Variants in MBTPS1 observed in about 807,000 individuals in gnomAD.
The protein encoded by MBTPS1 is membrane-bound transcription factor site-1 protease.
In MBTPS1, 94 loss-of-function variants were observed where a neutral mutation model predicts 127.8. The observed-to-expected ratio is 0.74, with a 90% CI of 0.62 to 0.87. MBTPS1 has a LOEUF of 0.87. MBTPS1 is among the 40% of genes least tolerant of loss of function. The probability of loss-of-function intolerance (pLI) is 0.00; values close to 1 mark genes in which losing one functional copy is unlikely to be tolerated. For missense variants in MBTPS1, 1,636 were observed against 1,353.2 expected (o/e 1.21, Z -3.28); for synonymous variants, 632 against 509.4 (o/e 1.24, Z -3.24).
chr16:84,083,803 AG>A (rs2085977409), intron 10 of MBTPS1, among the ~76,000 whole-genome samples: 1 of 152,242 alleles, frequency 6.6e-6, no homozygotes, highest in South Asian at 2.1e-4. Context: ...TCATCTAGAT[AG>A]AAGAAGTACA....
chr16:84,089,695 G>GT (rs1359531465), intron 8 of MBTPS1, among the ~76,000 whole-genome samples: 4 of 152,192 alleles, frequency 2.6e-5, no homozygotes, highest in Non-Finnish European at 2.9e-5. Context: ...TGCCTCAGCC[G>GT]TAAGTGGCAG....
intron 11 of MBTPS1, among the ~76,000 whole-genome samples, chr16:84,078,352 A>G (rs2085891405): frequency 7.6e-6 from 1 of 131,670 alleles, no homozygotes; most frequent in African/African-American, 2.9e-5. Flanking sequence ...GTGCCACCTT[A>G]CCTAACAGAG....
intron 11 of MBTPS1, among the ~76,000 whole-genome samples, chr16:84,076,847 T>C (rs915291664): frequency 6.6e-6 from 1 of 152,196 alleles, no homozygotes; most frequent in African/African-American, 2.4e-5. Context: ...TTTGATGCAA[T>C]TGCAACAAAA....
At chr16:84,075,086 A>T (rs1302504274) in intron 11 of MBTPS1, 1 of 165,976 alleles carries the variant, frequency 6.0e-6, no homozygotes, top group Non-Finnish European at 1.3e-5. Context: ...AAAAACACGT[A>T]CACATGTCAA....
intron 1 of MBTPS1, among the ~76,000 whole-genome samples, chr16:84,110,062 T>A (rs1376933845): frequency 1.3e-5 from 2 of 152,214 alleles, no homozygotes; most frequent in African/African-American, 4.8e-5. Flanking sequence ...TTATTTACCC[T>A]CACCTGCCAA....
At position 84,059,408 on chromosome 16, in the gene MBTPS1, A is replaced by C; in HGVS notation, c.2725T>G (p.Ser909Ala). The C allele has an allele frequency of 6.2e-7, 1 of 1,613,724 alleles. No individual in the cohort carries two copies. Residue 909 changes from serine to alanine, a missense_variant, in exon 21 of 23, where the codon TCC becomes GCC. Transcript: ENST00000343411. ...RMEGNHLHRY[S>A]KVLEAHLGDP... ...CCCAAATGGGCCTCCAGAACCTTGGAGTACCGATGAAGATGGTTTCCTGTG... is the reference window on the plus strand; with the variant it reads ...CCCAAATGGGCCTCCAGAACCTTGGCGTACCGATGAAGATGGTTTCCTGTG...
intron 4 of MBTPS1, among the ~76,000 whole-genome samples, 190 bp from the exon 5 acceptor site, chr16:84,094,011 G>A (rs781673304): frequency 6.6e-6 from 1 of 152,162 alleles, no homozygotes; most frequent in Non-Finnish European, 1.5e-5. Context: ...TAAGAAAAGA[G>A]GACAGCAGGA....
At position 84,091,786 on chromosome 16, in the gene MBTPS1, C is replaced by G. The variant is rs2086112147; in HGVS notation, c.909G>C (p.Val303=). 6.2e-7 allele frequency: 1 copy of G among 1,614,070 alleles called. No homozygotes were observed. Among genetic ancestry groups the G allele is most frequent in the South Asian group, 1.1e-5 (1 of 91,092 alleles). The change falls in exon 7 of 23, where the codon GTG becomes GTC. Residue 303 remains valine, a synonymous_variant. Coordinates refer to ENST00000343411, the MANE Select transcript of MBTPS1 (RefSeq NM_003791.4). The part of the protein sequence containing the change: ...FNYAILKKID[V]LNLSIGGPDF... ...CCGGGCCGCCGATGCTGAGGTTTAA[C>G]ACGTCGATCTTCTTTAAAATGGCAT...
chr16:84,068,817 T>G (rs2085728363), intron 14 of MBTPS1, among the ~76,000 whole-genome samples: 1 of 152,134 alleles, frequency 6.6e-6, no homozygotes, highest in Non-Finnish European at 1.5e-5. Context: ...GCCGCGGGAG[T>G]GCAGGGACGC....
intron 11 of MBTPS1, among the ~76,000 whole-genome samples, chr16:84,079,783 C>G (rs971697169): frequency 5.9e-5 from 9 of 152,158 alleles, no homozygotes; most frequent in Non-Finnish European, 1.3e-4. Flanking sequence ...TGGCTGGAAC[C>G]TGGAGGTGGC....
intron 1 of MBTPS1, among the ~76,000 whole-genome samples, chr16:84,113,540 G>T (rs1244545353): frequency 6.6e-6 from 1 of 152,208 alleles, no homozygotes; most frequent in African/African-American, 2.4e-5. Flanking sequence ...GCAAGCAACT[G>T]GCCTAGCTGG....
Position 84,070,012 on chromosome 16 carries a change from T to A in MBTPS1, c.1809A>T (p.Ser603=). The stretch of plus-strand genomic sequence containing the variant: ...TCACCTTAATGGGGAGCTTTACTGT[T>A]GAAGTCTGTTCTGCACCATTTTTTG... ...TESKNGAEQT[S]TVKLPIKVKI... is the part of the protein sequence containing the mutation. Residue 603 remains serine (S), a synonymous_variant, in exon 14 of 23, where the codon TCA becomes TCT. Coordinates refer to ENST00000343411, the MANE Select transcript of MBTPS1 (RefSeq NM_003791.4). The A allele has an allele frequency of 1.2e-6, 2 of 1,613,386 alleles. No individual in the cohort carries two copies. Among genetic ancestry groups the A allele is most frequent in the Non-Finnish European group, 8.5e-7 (1 of 1,179,846 alleles).
At chr16:84,083,136 G>A (rs543134330) in intron 10 of MBTPS1, among the ~76,000 whole-genome samples, 1 of 152,306 alleles carries the variant, frequency 6.6e-6, no homozygotes, top group African/African-American at 2.4e-5. Flanking sequence ...TAACAATCAT[G>A]GCGTTTAGGA....
chr16:84,114,046 C>T (rs2086435312), intron 1 of MBTPS1, among the ~76,000 whole-genome samples: 3 of 151,030 alleles, frequency 2.0e-5, no homozygotes, highest in Admixed American at 1.3e-4. Flanking sequence ...CTCACTGCAA[C>T]CTCTGCCTCC....
At chr16:84,069,428 T>TAAG (rs55959488) in intron 14 of MBTPS1, among the ~76,000 whole-genome samples, 33,091 of 151,872 alleles carry the variant, frequency 0.22, 3,758 homozygotes, top group African/African-American at 0.26. Context: ...GAATTTGTTT[T>TAAG]AAGATTACCA....
At chr16:84,086,868 A>G (rs1251606609) in intron 9 of MBTPS1, among the ~76,000 whole-genome samples, 1 of 152,132 alleles carries the variant, frequency 6.6e-6, no homozygotes, top group Non-Finnish European at 1.5e-5. Flanking sequence ...TGAATTATTA[A>G]CTGTAGCAGT....
At chr16:84,065,605 A>C in intron 18 of MBTPS1, 85 bp downstream of exon 18, 1 of 878,100 alleles carries the variant, frequency 1.1e-6, no homozygotes, top group South Asian at 1.3e-5. Flanking sequence ...TAAAAAAGAG[A>C]CAGAGATGAG....
At chr16:84,098,229 G>A (rs74032825) in intron 3 of MBTPS1, among the ~76,000 whole-genome samples, 19 of 152,278 alleles carry the variant, frequency 1.2e-4, no homozygotes, top group Admixed American at 3.9e-4. Flanking sequence ...TGACTTCAAC[G>A]AACCCAGCTG....
rs370789677 is a variant in MBTPS1, at chr16:84,081,851, C to T, written c.1344G>A (p.Ala448=). Residue 448 remains alanine (A), a synonymous_variant, in exon 11 of 23, where the codon GCG becomes GCA. Transcript: ENST00000343411. ...TGACCCCGGGGAGCCTCCGGGCTGA[C>T]GCGATCAGGGCCTGCTTCATACTGG... ...NPASMKQALI[A]SARRLPGVNM... The T allele has an allele frequency of 2.1e-5, 32 of 1,525,728 alleles. No individual in the cohort carries two copies. In the African/African-American group the frequency reaches 2.8e-4, roughly 13 times the overall value. The allele number at this position is 1,525,728 out of a possible 1,614,324, so 94.5% of individuals were successfully genotyped here. A position where few individuals can be genotyped will look rare whatever the true frequency, so the allele number is the denominator to read the frequency against.
Sources: gnomAD v4.1 joint callset for allele counts (sites outside exome capture counted in the v4.1 genomes callset) on GRCh38, gnomAD v4.1.1 for gene constraint, MANE v1.5 for transcripts, NCBI Gene and HGNC (gene_info 2026-07-23, HGNC 2026-07-21) for gene names.